The following MAMDC4 variants were observed in gnomAD, a reference collection of about 807,000 sequenced individuals.
MAMDC4 encodes apical endosomal glycoprotein.
In MAMDC4, 168 loss-of-function variants were observed where a neutral mutation model predicts 153.3. The observed-to-expected ratio is 1.10, with a 90% CI of 0.97 to 1.25. The LOEUF (loss-of-function observed/expected upper bound fraction) is 1.25. Ranked by LOEUF, MAMDC4 falls within the 50% of genes most tolerant of loss-of-function variation. MAMDC4 has a pLI of 0.00. For synonymous variants in MAMDC4, 744 were observed against 651.5 expected (o/e 1.14, Z -2.16); for missense variants, 1,701 against 1,542.8 (o/e 1.10, Z -1.72).
At position 136,855,146 on chromosome 9, in the gene MAMDC4, G is replaced by A. The variant is rs372648922; in HGVS notation, c.1197+36G>A. On this transcript the variant is annotated intron_variant, in intron 10 of 26. Transcript: ENST00000317446. ...GCAAGAGGGTGGGGTCTGGGGAGCC[G>A]CACTGTGGGCAGGGGAGGGGAACCC... is the stretch of plus-strand genomic sequence containing the variant. The A allele has an allele frequency of 3.1e-5, 48 of 1,563,380 alleles. No individual in the cohort carries two copies. In the Middle Eastern group the frequency reaches 1.6e-3, roughly 52 times the overall value.
In MAMDC4 at chr9:136,855,017, C is replaced by G. The variant is rs1304474924; in HGVS notation, c.1104C>G (p.Pro368=). ...TGCAGACTCTGGGGCCCGGCGCCCCCCGGGCCCCCGTCCTGCTGCGGAGGC... is the reference window on the plus strand; with the variant it reads ...TGCAGACTCTGGGGCCCGGCGCCCCGCGGGCCCCCGTCCTGCTGCGGAGGC... The part of the protein sequence containing the change: ...LFLQTLGPGA[P]RAPVLLRRRR... The change falls in exon 10 of 27, where the codon CCC becomes CCG. Residue 368 remains proline, a synonymous_variant. Transcript: ENST00000317446. 1 of 1,601,258 alleles carries G rather than the reference C, an allele frequency of 6.2e-7. No individual in the cohort carries two copies. Among genetic ancestry groups the G allele is most frequent in the Non-Finnish European group, 8.5e-7 (1 of 1,176,224 alleles).
rs753414530 is a variant in MAMDC4 at position 136,860,623 on chromosome 9, C to T, written c.*20C>T. Reference sequence around the variant, plus strand: ...CCGTAGACCACCCCAGACAAGGCCCCGCTTCCTCACGTGACATCCAGCACT... The same window carrying T: ...CCGTAGACCACCCCAGACAAGGCCCTGCTTCCTCACGTGACATCCAGCACT... On this transcript the variant is annotated 3_prime_UTR_variant, in exon 27 of 27. Coordinates refer to ENST00000317446, the MANE Select transcript of MAMDC4 (RefSeq NM_206920.3). 4 of 1,613,160 alleles carry T rather than the reference C, an allele frequency of 2.5e-6. No homozygotes were observed. The highest frequency in any genetic ancestry group is 2.5e-6 in the Non-Finnish European group (3 of 1,179,768).
rs778253049 is a variant in MAMDC4, at chr9:136,855,563, A to C, written c.1415A>C (p.Glu472Ala). The C allele has an allele frequency of 5.7e-6, 9 of 1,592,442 alleles. No individual in the cohort carries two copies. Among genetic ancestry groups the C allele is most frequent in the Non-Finnish European group, 7.7e-6 (9 of 1,169,836 alleles). The part of the protein sequence containing the change: ...LACGDLCVPP[E>A]QLCDFEEQCA... ...TGCGGGGACCTGTGTGTGCCCCCGG[A>C]ACAACTGTGTGACTTCGAGGAGCAG... is the stretch of plus-strand genomic sequence containing the variant. The change falls in exon 12 of 27, where the codon GAA (glutamate) becomes GCA (alanine). Residue 472 changes from glutamate (E) to alanine (A), a missense_variant. Transcript: ENST00000317446.
rs771587253 is a variant in MAMDC4, at chr9:136,857,165, G to A, written c.1973G>A (p.Gly658Glu). The A allele has an allele frequency of 1.2e-5, 20 of 1,612,328 alleles. No individual in the cohort carries two copies. The Admixed American group carries it at 3.2e-4, about 26-fold the overall frequency. The change falls in exon 17 of 27, where the codon GGG becomes GAG. Residue 658 changes from glycine to glutamate, a missense_variant and splice_region_variant. Coordinates refer to ENST00000317446, the MANE Select transcript of MAMDC4 (RefSeq NM_206920.3). The stretch of plus-strand genomic sequence containing the variant: ...TTATGGACTGGTCCCCTCCCTGCAG[G>A]GACTCTGCGCCTAGCCATGAGACGG... The part of the protein sequence containing the change: ...FWYHLHGPQI[G>E]TLRLAMRREG...
At position 136,855,973 on chromosome 9, in the gene MAMDC4, G is replaced by T. The variant is rs767779225; in HGVS notation, c.1589-45G>T. On this transcript the variant is annotated intron_variant, in intron 13 of 26. Transcript: ENST00000317446. ...TGGGGATCCCTGAGGGACAGAGTGGGGCCCTGGAAGGGATGAGGCTCTGAG... is the reference window on the plus strand; with the variant it reads ...TGGGGATCCCTGAGGGACAGAGTGGTGCCCTGGAAGGGATGAGGCTCTGAG... 4.4e-6 allele frequency: 7 copies of T among 1,580,104 alleles called. No homozygotes were observed. In the African/African-American group the frequency reaches 5.4e-5, roughly 12 times the overall value.
chr9:136,855,009 G>A lies in MAMDC4; in HGVS notation c.1096G>A (p.Gly366Ser), dbSNP rs774109057. Residue 366 changes from glycine (G) to serine (S), a missense_variant, in exon 10 of 27, where the codon GGC (glycine) becomes AGC (serine). Transcript: ENST00000317446. ...GCTGTTCCTGCAGACTCTGGGGCCC[G>A]GCGCCCCCCGGGCCCCCGTCCTGCT... ...LQLFLQTLGP[G>S]APRAPVLLRR... 17 of 1,600,114 alleles carry A rather than the reference G, an allele frequency of 1.1e-5. No homozygotes were observed. Among genetic ancestry groups the A allele is most frequent in the African/African-American group, 5.4e-5 (4 of 74,002 alleles).
chr9:136,857,022 C>A lies in MAMDC4; in HGVS notation c.1953C>A (p.His651Gln), dbSNP rs1321150943. 8 of 1,611,748 alleles carry A rather than the reference C, an allele frequency of 5.0e-6. No individual in the cohort carries two copies. In the Middle Eastern group the frequency reaches 6.6e-4, roughly 133 times the overall value. Residue 651 changes from histidine to glutamine, a missense_variant, in exon 16 of 27, where the codon CAC becomes CAA. Coordinates refer to ENST00000317446, the MANE Select transcript of MAMDC4 (RefSeq NM_206920.3). Reference sequence around the variant, plus strand: ...CGGAGTGTCTCAGCTTCTGGTACCACCTCCATGGGCCCCAGATTGGTGAGT... The same window carrying A: ...CGGAGTGTCTCAGCTTCTGGTACCAACTCCATGGGCCCCAGATTGGTGAGT... ...APTECLSFWYHLHGPQIGTLR... is the reference protein window; with the variant it reads ...APTECLSFWYQLHGPQIGTLR...
Position 136,855,784 on chromosome 9 carries a change from G to A in MAMDC4, c.1524G>A (p.Val508=), listed in dbSNP as rs111834903. 7 of 1,559,090 alleles carry A rather than the reference G, an allele frequency of 4.5e-6. No homozygotes were observed. The African/African-American group carries it at 5.4e-5, about 12-fold the overall frequency. Residue 508 remains valine, a synonymous_variant, in exon 13 of 27, where the codon GTG becomes GTA. Transcript: ENST00000317446. The part of the protein sequence containing the change: ...PEAGGWEDAS[V]GRLQWRRVSA... ...CTGGGGGCTGGGAGGACGCCAGCGT[G>A]GGGCGGCTGCAGTGGCGGCGTGTCT...
intron 26 of MAMDC4, 149 bp from the exon 27 acceptor site, chr9:136,860,413 C>A: frequency 6.0e-6 from 5 of 832,694 alleles, no homozygotes; most frequent in African/African-American, 1.7e-5. Flanking sequence ...CCCAACTACT[C>A]GGGAGGCTGA....
chr9:136,857,171 T>C lies in MAMDC4; in HGVS notation c.1979T>C (p.Leu660Pro), dbSNP rs1369573657. ...YHLHGPQIGTLRLAMRREGEE... is the reference protein window; with the variant it reads ...YHLHGPQIGTPRLAMRREGEE... ...ACTGGTCCCCTCCCTGCAGGGACTC[T>C]GCGCCTAGCCATGAGACGGGAAGGG... is the stretch of plus-strand genomic sequence containing the variant. The change falls in exon 17 of 27, where the codon CTG becomes CCG. Residue 660 changes from leucine (L) to proline (P), a missense_variant. Physicochemically the swap from Leu to Pro is moderately conservative, Grantham distance 98. Transcript: ENST00000317446. The C allele has an allele frequency of 1.9e-6, 3 of 1,612,296 alleles. No individual in the cohort carries two copies. Among genetic ancestry groups the C allele is most frequent in the Non-Finnish European group, 2.5e-6 (3 of 1,179,822 alleles).
chr9:136,855,693 T>A, intron 12 of MAMDC4, 39 bp from the exon 13 acceptor site: 1 of 1,570,652 alleles, frequency 6.4e-7, no homozygotes, highest in Non-Finnish European at 8.6e-7. Flanking sequence ...GGCTGAGGAC[T>A]CTGAGGACTC....
At position 136,853,335 on chromosome 9, in the gene MAMDC4, G is replaced by A. The variant is rs149340579; in HGVS notation, c.205G>A (p.Glu69Lys). 1.7e-4 allele frequency: 268 copies of A among 1,606,320 alleles called. No individual in the cohort carries two copies. Among genetic ancestry groups the A allele is most frequent in the Admixed American group, 3.0e-4 (18 of 59,748 alleles). Residue 69 changes from glutamate to lysine, a missense_variant, in exon 3 of 27, where the codon GAG (glutamate) becomes AAG (lysine). By Grantham distance (56) the Glu-to-Lys change is moderately conservative. Transcript: ENST00000317446. ...GGGCGCCCCCTTCGCCTGTGACTTC[G>A]AGCAGGACCCCTGCGGCTGGCGGGA... ...TLGAPFACDF[E>K]QDPCGWRDIS... is the part of the protein sequence containing the mutation.
At chr9:136,859,556 G>T in intron 25 of MAMDC4, 1 of 593,620 alleles carries the variant, frequency 1.7e-6, no homozygotes, top group South Asian at 2.1e-5. Context: ...GCCCTGCCTG[G>T]CTGTGGCCTC....
chr9:136,853,610 A>G lies in MAMDC4; in HGVS notation c.394A>G (p.Thr132Ala), dbSNP rs748588620. 4 of 1,601,634 alleles carry G rather than the reference A, an allele frequency of 2.5e-6. No homozygotes were observed. Among genetic ancestry groups the G allele is most frequent in the Non-Finnish European group, 3.4e-6 (4 of 1,173,904 alleles). ...ATCCACCGCAGCCCTGCGCTCGCCA[A>G]CCCTGCGAGAGGCAGCCTCCTCTTG... Reference protein sequence around the residue: ...EASTAALRSPTLREAASSCKL... With the variant: ...EASTAALRSPALREAASSCKL... The change falls in exon 4 of 27, where the codon ACC becomes GCC. Residue 132 changes from threonine to alanine, a missense_variant. By Grantham distance (58) the Thr-to-Ala change is moderately conservative (BLOSUM62 0). Coordinates refer to ENST00000317446, the MANE Select transcript of MAMDC4 (RefSeq NM_206920.3).
Position 136,853,979 on chromosome 9 carries a change from C to T in MAMDC4, c.586-13C>T, listed in dbSNP as rs1220293256. Reference sequence around the variant, plus strand: ...GGGCCCTGACTTAGGTCCTAAGAGCCTGTTCTCTTCAGGTGACCTTCTCTG... The same window carrying T: ...GGGCCCTGACTTAGGTCCTAAGAGCTTGTTCTCTTCAGGTGACCTTCTCTG... On this transcript the variant is annotated splice_polypyrimidine_tract_variant and intron_variant, in intron 5 of 26. Transcript: ENST00000317446. The T allele has an allele frequency of 5.0e-6, 8 of 1,612,856 alleles. No homozygotes were observed. The East Asian group carries it at 6.7e-5, about 13-fold the overall frequency.
At chr9:136,853,725 G>T in intron 4 of MAMDC4, 52 bp from the exon 5 acceptor site, 1 of 579,908 alleles carries the variant, frequency 1.7e-6, no homozygotes, top group Non-Finnish European at 3.3e-6. Context: ...GGGCGGGTGG[G>T]CAGCTGGGGA....
At chr9:136,852,523 T>TC (rs1214182223) in intron 1 of MAMDC4, 61 bp downstream of exon 1, 1 of 1,578,256 alleles carries the variant, frequency 6.3e-7, no homozygotes, top group African/African-American at 1.4e-5. Flanking sequence ...GAGCCTACCA[T>TC]CTGTGTGGCA....
chr9:136,856,739 T>C lies in MAMDC4; in HGVS notation c.1750T>C (p.Cys584Arg), dbSNP rs1849010457. 4 of 1,612,578 alleles carry C rather than the reference T, an allele frequency of 2.5e-6. No individual in the cohort carries two copies. Among genetic ancestry groups the C allele is most frequent in the African/African-American group, 2.7e-5 (2 of 74,924 alleles). ...CTCCTGTAACTTTGAGCGGGACACATGCAGCTGGTACCCAGGCCACCTCTC... is the reference window on the plus strand; with the variant it reads ...CTCCTGTAACTTTGAGCGGGACACACGCAGCTGGTACCCAGGCCACCTCTC... The part of the protein sequence containing the change: ...EVSCNFERDT[C>R]SWYPGHLSDT... Residue 584 changes from cysteine (C) to arginine (R), a missense_variant, in exon 15 of 27, where the codon TGC becomes CGC. Physicochemically the swap from Cys to Arg is radical, Grantham distance 180. Coordinates refer to ENST00000317446, the MANE Select transcript of MAMDC4 (RefSeq NM_206920.3).
chr9:136,860,661 A>G lies in MAMDC4; in HGVS notation c.*58A>G. ...GACATCCAGCACTTGGTCAGACCCTAGCCAGGGACCGGACACCTGCCCCGC... is the reference window on the plus strand; with the variant it reads ...GACATCCAGCACTTGGTCAGACCCTGGCCAGGGACCGGACACCTGCCCCGC... On this transcript the variant is annotated 3_prime_UTR_variant, in exon 27 of 27. Transcript: ENST00000317446. The G allele has an allele frequency of 6.3e-7, 1 of 1,599,328 alleles. No individual in the cohort carries two copies. Among genetic ancestry groups the G allele is most frequent in the Non-Finnish European group, 8.6e-7 (1 of 1,168,344 alleles).
Sources: allele counts gnomAD v4.1 joint callset, GRCh38; gene constraint gnomAD v4.1.1; transcripts MANE v1.5; gene names NCBI Gene and HGNC (gene_info 2026-07-23, HGNC 2026-07-21).